EPB41L4B: variants seen among roughly 807,000 people sequenced by gnomAD.
EPB41L4B encodes band 4.1-like protein 4B.
Under a neutral mutation model 112.5 loss-of-function variants are expected in EPB41L4B, and 30 were observed. The ratio of observed to expected loss-of-function variants is 0.27; its 90% CI spans 0.20 to 0.36. The LOEUF (loss-of-function observed/expected upper bound fraction) is 0.36. EPB41L4B is among the 10% of genes least tolerant of loss of function. The pLI is 1.00. For synonymous variants in EPB41L4B, 408 were observed against 439.7 expected (o/e 0.93, Z 0.90); for missense variants, 1,024 against 1,133.3 (o/e 0.90, Z 1.38).
At chr9:109,306,951 C>G (rs1269506530) in intron 1 of EPB41L4B, among the ~76,000 whole-genome samples, 1 of 151,972 alleles carries the variant, frequency 6.6e-6, no homozygotes, top group African/African-American at 2.4e-5. Flanking sequence ...AGAGCAACGC[C>G]CATACATTTG....
At chr9:109,196,554 C>T (rs1250485021) in intron 20 of EPB41L4B, among the ~76,000 whole-genome samples, 2 of 151,784 alleles carry the variant, frequency 1.3e-5, no homozygotes, top group Non-Finnish European at 2.9e-5. Flanking sequence ...CTTGTCTCTA[C>T]AAAAAATACA....
intron 1 of EPB41L4B, among the ~76,000 whole-genome samples, chr9:109,309,898 A>G (rs576224161): frequency 2.6e-5 from 4 of 152,310 alleles, no homozygotes; most frequent in Non-Finnish European, 2.9e-5. Context: ...AGAAGCTGAC[A>G]ATGCCAAGTG....
At chr9:109,203,064 G>T (rs1832887513) in intron 19 of EPB41L4B, among the ~76,000 whole-genome samples, 1 of 152,212 alleles carries the variant, frequency 6.6e-6, no homozygotes, top group African/African-American at 2.4e-5. Flanking sequence ...TGAGGCACAA[G>T]AATTGCTTGA....
intron 13 of EPB41L4B, 142 bp downstream of exon 13, chr9:109,251,339 A>C: frequency 2.6e-6 from 2 of 782,368 alleles, no homozygotes; most frequent in East Asian, 2.5e-5. Flanking sequence ...TGAGCATGGA[A>C]TAGCCAGGCA....
intron 15 of EPB41L4B, among the ~76,000 whole-genome samples, chr9:109,218,488 C>T (rs949013412): frequency 1.3e-5 from 2 of 152,140 alleles, no homozygotes; most frequent in African/African-American, 4.8e-5. Flanking sequence ...GTGAATACCA[C>T]GAACCTTCCC....
chr9:109,192,495 A>C, intron 21 of EPB41L4B, 140 bp from the exon 22 acceptor site: 1 of 541,812 alleles, frequency 1.8e-6, no homozygotes, highest in Non-Finnish European at 3.1e-6. Flanking sequence ...TATTTCCCTC[A>C]CCAAGTAGTG....
intron 11 of EPB41L4B, among the ~76,000 whole-genome samples, chr9:109,254,282 G>A (rs1834900521): frequency 6.6e-6 from 1 of 152,178 alleles, no homozygotes; most frequent in Non-Finnish European, 1.5e-5. Flanking sequence ...ACTCCACTCC[G>A]AGTAGACACC....
In EPB41L4B at chr9:109,237,295, G is replaced by C. The variant is rs539936419; in HGVS notation, c.1409+6323C>G. Among the ~76,000 whole-genome samples, 18 of 147,752 alleles carry C rather than the reference G, an allele frequency of 1.2e-4. No individual in the cohort carries two copies. The East Asian group carries it at 3.5e-3, about 29-fold the overall frequency. On this transcript the variant is annotated intron_variant, in intron 15 of 25. Coordinates refer to ENST00000374566, the MANE Select transcript of EPB41L4B (RefSeq NM_019114.5). ...TGAAGACCAAGGTAATTAATTACCT[G>C]GCAGGATTTAGAGACTTCTGGCATG...
At chr9:109,198,697 C>A (rs1046499160) in intron 20 of EPB41L4B, among the ~76,000 whole-genome samples, 5 of 152,120 alleles carry the variant, frequency 3.3e-5, no homozygotes, top group Admixed American at 3.3e-4. Flanking sequence ...CACTTGAGGT[C>A]AGGAGTTCGA....
At chr9:109,241,899 G>T in intron 15 of EPB41L4B, 5 of 1,336,634 alleles carry the variant, frequency 3.7e-6, no homozygotes, top group Non-Finnish European at 5.3e-6. Context: ...AGGAAATGGG[G>T]CAGGGGGAAC....
intron 22 of EPB41L4B, among the ~76,000 whole-genome samples, chr9:109,191,921 G>A (rs985240862): frequency 3.3e-5 from 5 of 152,182 alleles, no homozygotes; most frequent in African/African-American, 1.2e-4. Context: ...CAGATGGATC[G>A]TCGGAAGCAA....
chr9:109,210,128 C>G (rs919766051), intron 17 of EPB41L4B, among the ~76,000 whole-genome samples: 31 of 152,086 alleles, frequency 2.0e-4, no homozygotes, highest in Admixed American at 1.2e-3. Context: ...AATGATCGAT[C>G]CTGAGCTATC....
chr9:109,250,767 G>C (rs1192557261), intron 13 of EPB41L4B, among the ~76,000 whole-genome samples: 1 of 152,204 alleles, frequency 6.6e-6, no homozygotes, highest in Admixed American at 6.5e-5. Flanking sequence ...CAAGACCCTG[G>C]ACACCTGTGC....
chr9:109,272,583 T>C (rs774036117), intron 2 of EPB41L4B, among the ~76,000 whole-genome samples: 1 of 152,068 alleles, frequency 6.6e-6, no homozygotes, highest in Non-Finnish European at 1.5e-5. Context: ...TAAAATCCCA[T>C]CTCTGTTAAA....
At chr9:109,191,579 T>C (rs1456804876) in intron 22 of EPB41L4B, among the ~76,000 whole-genome samples, 5 of 152,188 alleles carry the variant, frequency 3.3e-5, no homozygotes, top group African/African-American at 7.2e-5. Context: ...AGATGCTGCT[T>C]CCTTTCTCAT....
chr9:109,219,281 G>A (rs1833490706), intron 15 of EPB41L4B, among the ~76,000 whole-genome samples: 1 of 152,188 alleles, frequency 6.6e-6, no homozygotes, highest in Non-Finnish European at 1.5e-5. Flanking sequence ...AAACTGAAAG[G>A]AAGGCTCTCT....
chr9:109,197,468 G>C (rs1034528558), intron 20 of EPB41L4B, among the ~76,000 whole-genome samples: 1 of 151,690 alleles, frequency 6.6e-6, no homozygotes, highest in African/African-American at 2.4e-5. Context: ...GCAAATGAGC[G>C]GTAGCCAGCG....
At chr9:109,314,447 A>C (rs769671806) in intron 1 of EPB41L4B, among the ~76,000 whole-genome samples, 1 of 152,220 alleles carries the variant, frequency 6.6e-6, no homozygotes, top group Non-Finnish European at 1.5e-5. Context: ...ATATTTGTTC[A>C]GAGCCCTGTA....
chr9:109,209,513 T>G (rs890758383), intron 17 of EPB41L4B, among the ~76,000 whole-genome samples: 1 of 151,640 alleles, frequency 6.6e-6, no homozygotes, highest in Non-Finnish European at 1.5e-5. Flanking sequence ...ATAGAAAAAT[T>G]AAGAGGGCGT....
Sources: allele counts gnomAD v4.1 joint callset (sites outside exome capture counted in the v4.1 genomes callset), GRCh38; gene constraint gnomAD v4.1.1; transcripts MANE v1.5; gene names NCBI Gene and HGNC (gene_info 2026-07-23, HGNC 2026-07-21).